The following CLEC12A variants were observed in gnomAD, a reference collection of about 807,000 sequenced individuals.
CLEC12A encodes C-type lectin protein CLL-1.
In CLEC12A, 22 loss-of-function variants were observed where a neutral mutation model predicts 26.5. The ratio of observed to expected loss-of-function variants is 0.83; its 90% CI spans 0.59 to 1.19. The LOEUF is 1.19. CLEC12A is among the 50% of genes most tolerant of loss of function. CLEC12A has a pLI of 0.00. For synonymous variants in CLEC12A, 119 were observed against 101.9 expected (o/e 1.17, Z -1.01); for missense variants, 353 against 315.6 (o/e 1.12, Z -0.90).
At chr12:9,975,293 C>T (rs1349388171) in intron 1 of CLEC12A, among the ~76,000 whole-genome samples, 1 of 152,116 alleles carries the variant, frequency 6.6e-6, no homozygotes, top group Non-Finnish European at 1.5e-5. Flanking sequence ...CAGAAGAAGA[C>T]AGAAAAATGT....
chr12:9,974,645 T>A (rs866613831), intron 1 of CLEC12A, among the ~76,000 whole-genome samples: 1 of 152,242 alleles, frequency 6.6e-6, no homozygotes, highest in Non-Finnish European at 1.5e-5. Flanking sequence ...CCAGTTCTGT[T>A]CTAATTGCAT....
downstream of CLEC12A, among the ~76,000 whole-genome samples, chr12:9,997,469 C>T (rs1865082084): frequency 6.6e-6 from 1 of 151,950 alleles, no homozygotes; most frequent in African/African-American, 2.4e-5. Flanking sequence ...ACAGAACTGA[C>T]GCCTGAGGGT....
chr12:9,983,406 A>G, intron 5 of CLEC12A: 2 of 600,962 alleles, frequency 3.3e-6, no homozygotes, highest in South Asian at 2.1e-5. Context: ...GGTTATAAAT[A>G]TACTATTTTA....
At chr12:9,957,205 G>A (rs1863754776) in intron 1 of CLEC12A, among the ~76,000 whole-genome samples, 1 of 152,132 alleles carries the variant, frequency 6.6e-6, no homozygotes, top group African/African-American at 2.4e-5. Flanking sequence ...TTAAAAAGGT[G>A]TGGGTAGGGC....
At chr12:9,966,115 A>G (rs1248395614) in intron 1 of CLEC12A, among the ~76,000 whole-genome samples, 1 of 152,118 alleles carries the variant, frequency 6.6e-6, no homozygotes, top group Non-Finnish European at 1.5e-5. Context: ...AGTTGGCACA[A>G]GAGTTGGGGA....
chr12:10,002,440 GT>G, the CLEC12A span, among the ~76,000 whole-genome samples: 1,270 of 40,452 alleles, frequency 0.031, 89 homozygotes, highest in Non-Finnish European at 0.043. Flanking sequence ...GTTGGGTAAT[GT>G]TTTTTTTTTT....
chr12:9,969,085 C>T (rs907955349), upstream of CLEC12A, among the ~76,000 whole-genome samples: 1 of 151,950 alleles, frequency 6.6e-6, no homozygotes, highest in Non-Finnish European at 1.5e-5. Flanking sequence ...TTGTGGTTAC[C>T]AGAGGCTTAG....
At chr12:9,974,119 C>G (rs930490468) in intron 1 of CLEC12A, among the ~76,000 whole-genome samples, 2 of 152,150 alleles carry the variant, frequency 1.3e-5, no homozygotes, top group Admixed American at 6.5e-5. Context: ...TGATGTCCTG[C>G]CTGTTTCATC....
chr12:9,981,798 G>C (rs1280144270), intron 4 of CLEC12A, among the ~76,000 whole-genome samples: 3 of 152,116 alleles, frequency 2.0e-5, no homozygotes, highest in Non-Finnish European at 4.4e-5. Flanking sequence ...ACATGGATTA[G>C]TAGGGCCTCT....
chr12:9,955,975 G>GA (rs967071879), intron 1 of CLEC12A, among the ~76,000 whole-genome samples: 79 of 151,748 alleles, frequency 5.2e-4, no homozygotes, highest in Middle Eastern at 3.2e-3. Context: ...AGGCAAGAGG[G>GA]AAAAAAAAGA....
chr12:9,965,741 G>A lies in CLEC12A; in HGVS notation c.11-5836G>A, dbSNP rs537649125. Among the ~76,000 whole-genome samples, 24 of 152,050 alleles carry A rather than the reference G, an allele frequency of 1.6e-4. 1 individual carries two copies. In the East Asian group the frequency reaches 2.9e-3, roughly 18 times the overall value. On this transcript the variant is annotated intron_variant, in intron 1 of 6. Transcript: ENST00000355690. ...GGGGAATTGTAAGGGGAGTTTATAG[G>A]CTTTAAAAGGCCATGCTGTAGCAGG... is the stretch of plus-strand genomic sequence containing the variant.
chr12:9,980,106 A>G (rs1285600139), intron 3 of CLEC12A, among the ~76,000 whole-genome samples: 1 of 152,208 alleles, frequency 6.6e-6, no homozygotes, highest in Non-Finnish European at 1.5e-5. Context: ...ACTATACAGA[A>G]TGTTTCCAGT....
intron 1 of CLEC12A, 67 bp downstream of exon 1, chr12:9,971,754 C>A: frequency 7.5e-7 from 1 of 1,338,622 alleles, no homozygotes; most frequent in Non-Finnish European, 1.0e-6. Flanking sequence ...CTTGCATCTT[C>A]AATATTAGTG....
rs142554187 is a variant in CLEC12A, at chr12:9,974,114, TCCTG to T, written c.91+2432_91+2435del. Among the ~76,000 whole-genome samples, 7 of 152,320 alleles carry T rather than the reference TCCTG, an allele frequency of 4.6e-5. No individual in the cohort carries two copies. The South Asian group carries it at 6.2e-4, about 14-fold the overall frequency. On this transcript the variant is annotated intron_variant, in intron 1 of 5. Transcript: ENST00000304361. ...GAGACTGAGCTTTAGGTCACTGATGTCCTGCCTGTTTCATCCCAATAGTCACATG... is the reference window on the plus strand; with the variant it reads ...GAGACTGAGCTTTAGGTCACTGATGTCCTGTTTCATCCCAATAGTCACATG...
chr12:9,985,705 A>C, downstream of CLEC12A: 1 of 372,758 alleles, frequency 2.7e-6, no homozygotes, highest in Non-Finnish European at 4.7e-6. Flanking sequence ...TGTTCTGAAA[A>C]AAAATATATA....
chr12:9,993,267 C>T (rs1430776670), intron 4 of CLEC12A: 1 of 1,612,572 alleles, frequency 6.2e-7, no homozygotes, highest in South Asian at 1.1e-5. Flanking sequence ...ATTTCCTTTT[C>T]CATCTTCCAA....
the CLEC12A span, among the ~76,000 whole-genome samples, chr12:10,003,138 T>C: frequency 6.6e-6 from 1 of 152,158 alleles, no homozygotes; most frequent in Non-Finnish European, 1.5e-5. Context: ...ACTTTTAAAC[T>C]AAAGCTGTTT....
At chr12:9,975,630 A>G (rs1864304693) in intron 1 of CLEC12A, among the ~76,000 whole-genome samples, 1 of 152,198 alleles carries the variant, frequency 6.6e-6, no homozygotes, top group African/African-American at 2.4e-5. Context: ...GTGGCTTGAC[A>G]ATGATAAATA....
downstream of CLEC12A, chr12:9,997,100 G>T (rs199596128): frequency 6.2e-7 from 1 of 1,609,240 alleles, no homozygotes; most frequent in Non-Finnish European, 8.5e-7. Context: ...CCCTTCAGTT[G>T]CCATCAGAGA....
Sources: allele counts gnomAD v4.1 joint callset (sites outside exome capture counted in the v4.1 genomes callset), GRCh38; gene constraint gnomAD v4.1.1; transcripts MANE v1.5; gene names NCBI Gene and HGNC (gene_info 2026-07-23, HGNC 2026-07-21).